Variants in CBL observed in about 807,000 individuals in gnomAD.
CBL encodes the protein E3 ubiquitin-protein ligase CBL.
A neutral mutation model predicts 96.9 loss-of-function variants in CBL; 45 were observed. That is an observed-to-expected ratio of 0.46 (90% CI 0.37 to 0.60). CBL has a LOEUF of 0.60. Ranked by LOEUF, CBL falls within the 20% of genes least tolerant of loss-of-function variation. The pLI is 0.00. For synonymous variants in CBL, 420 were observed against 426.8 expected (o/e 0.98, Z 0.20); for missense variants, 1,024 against 1,143.5 (o/e 0.90, Z 1.51).
At chr11:119,220,473 C>G (rs1026456144) in intron 1 of CBL, among the ~76,000 whole-genome samples, 3 of 152,158 alleles carry the variant, frequency 2.0e-5, no homozygotes, top group Admixed American at 6.5e-5. Flanking sequence ...GTGGCACATG[C>G]CTGTAGTCCC....
rs1002759175 is a variant in CBL at position 119,302,185 on chromosome 11, G to C, written c.*2404G>C. Reference sequence around the variant, plus strand: ...GTGCCATCCATGGGCTTGGGTGTCAGTTTGTCACAGGTATCTGCCAGCATT... The same window carrying C: ...GTGCCATCCATGGGCTTGGGTGTCACTTTGTCACAGGTATCTGCCAGCATT... On this transcript the variant is annotated 3_prime_UTR_variant, in exon 16 of 16. Transcript: ENST00000264033. 3.0e-5 allele frequency: 7 copies of C among 232,880 alleles called. No homozygotes were observed. Among genetic ancestry groups the C allele is most frequent in the Admixed American group, 2.8e-4 (5 of 17,772 alleles). The allele number at this position is 232,880 out of a possible 1,614,324, so 14.4% of individuals were successfully genotyped here.
chr11:119,285,194 T>C lies in CBL; in HGVS notation c.1569T>C (p.Ala523=). The C allele has an allele frequency of 6.2e-7, 1 of 1,614,184 alleles. No individual in the cohort carries two copies. Among genetic ancestry groups the C allele is most frequent in the Non-Finnish European group, 8.5e-7 (1 of 1,180,048 alleles). The change falls in exon 11 of 16, where the codon GCT becomes GCC. Residue 523 remains alanine (A), a synonymous_variant. Transcript: ENST00000264033. ...CTTTCACCCTGCTTCCACAGGCTGCTTCTGGCTCCCTTCATAAAGACAAAC... is the reference window on the plus strand; with the variant it reads ...CTTTCACCCTGCTTCCACAGGCTGCCTCTGGCTCCCTTCATAAAGACAAAC... ...ASALGTASKA[A]SGSLHKDKPL...
chr11:119,297,512 A>G (rs750076369), intron 14 of CBL, 31 bp downstream of exon 14: 6 of 1,442,202 alleles, frequency 4.2e-6, no homozygotes, highest in Non-Finnish European at 5.9e-6. Context: ...TTTAAAAATC[A>G]TTGATATGTC....
chr11:119,240,011 G>T (rs1949572664), intron 2 of CBL, among the ~76,000 whole-genome samples: 1 of 152,086 alleles, frequency 6.6e-6, no homozygotes, highest in Non-Finnish European at 1.5e-5. Flanking sequence ...CACTAAAGAG[G>T]CTGGGCATGG....
rs145240687 is a variant in CBL, at chr11:119,243,004, G to A, written c.443+10309G>A. On this transcript the variant is annotated intron_variant, in intron 2 of 15. Coordinates refer to ENST00000264033, the MANE Select transcript of CBL (RefSeq NM_005188.4). ...AAAGATTTAGAATTTTCAGCCAGGG[G>A]TGGTGGCTCATTACTGTAATCCCAG... Among the ~76,000 whole-genome samples the A allele has an allele frequency of 7.6e-4, 116 of 152,146 alleles. 1 individual carries two copies. The highest frequency in any genetic ancestry group is 2.4e-3 in the African/African-American group (100 of 41,504).
Position 119,305,635 on chromosome 11 carries a change from T to C in CBL, c.*5854T>C, listed in dbSNP as rs949301185. 8.9e-6 allele frequency: 2 copies of C among 224,520 alleles called. No individual in the cohort carries two copies. The highest frequency in any genetic ancestry group is 5.7e-5 in the Admixed American group (1 of 17,464). 13.9% of individuals were successfully genotyped at this position (224,520 alleles called of 1,614,324 possible). ...TATAATATTGGAGCAGTTGCCAGGA[T>C]AGAAATTAAATATAGATTCCAGTTT... On this transcript the variant is annotated 3_prime_UTR_variant, in exon 16 of 16. Coordinates refer to ENST00000264033, the MANE Select transcript of CBL (RefSeq NM_005188.4).
At chr11:119,276,212 C>A in intron 6 of CBL, 78 bp downstream of exon 6, 1 of 1,425,490 alleles carries the variant, frequency 7.0e-7, no homozygotes, top group Non-Finnish European at 9.9e-7. Flanking sequence ...TGACTTTATT[C>A]CAGGTTTCTT....
At chr11:119,274,563 A>C (rs1949873934) in intron 4 of CBL, among the ~76,000 whole-genome samples, 1 of 152,188 alleles carries the variant, frequency 6.6e-6, no homozygotes. Flanking sequence ...GTTGTTGTTC[A>C]ACCCCACTAC....
chr11:119,277,494 C>G (rs1284259596), intron 6 of CBL, among the ~76,000 whole-genome samples: 2 of 152,106 alleles, frequency 1.3e-5, no homozygotes, highest in African/African-American at 2.4e-5. Context: ...TAACCAACCC[C>G]TTGATTAAAA....
intron 1 of CBL, among the ~76,000 whole-genome samples, chr11:119,223,924 A>C (rs1474487567): frequency 6.6e-6 from 1 of 152,082 alleles, no homozygotes; most frequent in Admixed American, 6.6e-5. Context: ...TGCCCCTGGC[A>C]ATTTTTTTTT....
Position 119,264,443 on chromosome 11 carries a change from T to TTCTC in CBL, c.444-7290_444-7287dup, listed in dbSNP as rs768615588. 3.2e-4 allele frequency among the ~76,000 whole-genome samples: 8 copies of TTCTC among 25,114 alleles called. No homozygotes were observed. In the East Asian group the frequency reaches 8.8e-3, roughly 28 times the overall value. 16.5% of individuals were successfully genotyped at this position (25,114 alleles called of 152,430 possible). ...CTTCTCTTCTCTTCTCTTCTCTTCT[T>TTCTC]TCTCTTCTCTTCTCTTCTCTTTTCT... On this transcript the variant is annotated intron_variant, in intron 2 of 15. Transcript: ENST00000264033.
At chr11:119,211,229 G>C (rs1054164156) in intron 1 of CBL, among the ~76,000 whole-genome samples, 1 of 151,858 alleles carries the variant, frequency 6.6e-6, no homozygotes, top group African/African-American at 2.4e-5. Context: ...AAAATTAGCC[G>C]GGCATGGTGG....
chr11:119,299,503 G>A lies in CBL; in HGVS notation c.2443G>A (p.Glu815Lys), dbSNP rs1950085275. Residue 815 changes from glutamate (E) to lysine (K), a missense_variant, in exon 16 of 16, where the codon GAA (glutamate) becomes AAA (lysine). Coordinates refer to ENST00000264033, the MANE Select transcript of CBL (RefSeq NM_005188.4). The part of the protein sequence containing the change: ...LDGDPTTNVT[E>K]GSQVPERPPK... ...TTTCCTATTTCTTCTAGATGTCACT[G>A]AAGGTTCCCAAGTTCCCGAGAGGCC... 6.2e-7 allele frequency: 1 copy of A among 1,614,080 alleles called. No individual in the cohort carries two copies. The highest frequency in any genetic ancestry group is 1.7e-5 in the Admixed American group (1 of 60,024).
chr11:119,251,758 T>C (rs911328206), intron 2 of CBL, among the ~76,000 whole-genome samples: 2 of 152,200 alleles, frequency 1.3e-5, no homozygotes, highest in Non-Finnish European at 2.9e-5. Flanking sequence ...TTTGTAAAAC[T>C]ACGGTATTAT....
chr11:119,212,513 C>T (rs1293656952), intron 1 of CBL, among the ~76,000 whole-genome samples: 1 of 151,694 alleles, frequency 6.6e-6, no homozygotes, highest in African/African-American at 2.4e-5. Flanking sequence ...ATAATCCCAG[C>T]TACTCGGGAG....
At chr11:119,249,620 A>G (rs1949656294) in intron 2 of CBL, among the ~76,000 whole-genome samples, 1 of 151,328 alleles carries the variant, frequency 6.6e-6, no homozygotes, top group Non-Finnish European at 1.5e-5. Context: ...GGGAAAGGAA[A>G]GTGACTAATA....
At chr11:119,261,897 T>G (rs575248028) in intron 2 of CBL, among the ~76,000 whole-genome samples, 13 of 152,334 alleles carry the variant, frequency 8.5e-5, no homozygotes, top group African/African-American at 3.1e-4. Context: ...GATACTAATG[T>G]AAAATATTTG....
In CBL at chr11:119,274,915, G is replaced by A. The variant is rs1274951415; in HGVS notation, c.831G>A (p.Val277=). The part of the protein sequence containing the change: ...GYMAFLTYDE[V]KARLQKFIHK... ...TGGCTTTTTTGACGTATGACGAAGT[G>A]AAAGCTCGGCTCCAGAAATTCATTC... Residue 277 remains valine (V), a synonymous_variant, in exon 5 of 16, where the codon GTG becomes GTA. Coordinates refer to ENST00000264033, the MANE Select transcript of CBL (RefSeq NM_005188.4). The A allele has an allele frequency of 3.1e-6, 5 of 1,614,134 alleles. No homozygotes were observed. Among genetic ancestry groups the A allele is most frequent in the Non-Finnish European group, 3.4e-6 (4 of 1,179,996 alleles).
rs770056391 is a variant in CBL at position 119,285,405 on chromosome 11, C to A, written c.1780C>A (p.Pro594Thr). 2 of 1,614,194 alleles carry A rather than the reference C, an allele frequency of 1.2e-6. No homozygotes were observed. The highest frequency in any genetic ancestry group is 2.2e-5 in the South Asian group (2 of 91,078). Residue 594 changes from proline to threonine, a missense_variant, in exon 11 of 16, where the codon CCA becomes ACA. Physicochemically the swap from Pro to Thr is conservative, Grantham distance 38. This residue lies in a region of CBL where 695 missense variants were observed against 661.6 expected (regional missense o/e 1.05). Coordinates refer to ENST00000264033, the MANE Select transcript of CBL (RefSeq NM_005188.4). ...CCTTGGAGACTCATGGCTGCCCCGG[C>A]CAATCCCCAAAGTACCAGTATCTGC... The part of the protein sequence containing the change: ...SRLGDSWLPR[P>T]IPKVPVSAPS...
Sources: gnomAD v4.1 joint callset for allele counts (sites outside exome capture counted in the v4.1 genomes callset) on GRCh38, gnomAD v4.1.1 for gene constraint, gnomAD v4.1.1 regional missense constraint, MANE v1.5 for transcripts, NCBI Gene and HGNC (gene_info 2026-07-23, HGNC 2026-07-21) for gene names.